The following SULF1 variants were observed in gnomAD, a reference collection of about 807,000 sequenced individuals.
The protein encoded by SULF1 is extracellular sulfatase Sulf-1.
SULF1 carries 46 observed loss-of-function variants against 110.5 expected under a neutral mutation model. The ratio of observed to expected loss-of-function variants is 0.42; its 90% CI spans 0.33 to 0.53. The LOEUF (loss-of-function observed/expected upper bound fraction) is 0.53, where lower values mean the gene tolerates loss of function less well. SULF1 is among the 20% of genes least tolerant of loss of function. SULF1 has a pLI of 0.12. For synonymous variants in SULF1, 371 were observed against 387.1 expected (o/e 0.96, Z 0.49); for missense variants, 941 against 1,094.2 (o/e 0.86, Z 1.98).
chr8:69,628,293 C>T (rs1481315473), intron 18 of SULF1, 57 bp downstream of exon 18: 9 of 1,478,284 alleles, frequency 6.1e-6, no homozygotes, highest in Non-Finnish European at 7.6e-6. Flanking sequence ...CCACCTGGCC[C>T]TTCGAAGAGG....
chr8:69,603,345 C>A, intron 11 of SULF1, 25 bp downstream of exon 11: 1 of 1,613,696 alleles, frequency 6.2e-7, no homozygotes, highest in Non-Finnish European at 8.5e-7. Flanking sequence ...CTCCTCTCAG[C>A]CAGCCCCAAA....
At chr8:69,574,393 AT>A (rs1434001101) in intron 5 of SULF1, among the ~76,000 whole-genome samples, 1 of 152,038 alleles carries the variant, frequency 6.6e-6, no homozygotes, top group African/African-American at 2.4e-5. Context: ...CAATCCCCCA[AT>A]GATATACTTC....
rs375153758 is a variant in SULF1, at chr8:69,514,965, A to G, written c.-134+12997A>G. ...TGCCTCTGTGGTTCTGCAGGGTACA[A>G]CCTCCTGGGCTGCTTTCACAGGCTA... On this transcript the variant is annotated intron_variant, in intron 3 of 22. Transcript: ENST00000402687. Among the ~76,000 whole-genome samples, 18 of 152,090 alleles carry G rather than the reference A, an allele frequency of 1.2e-4. No individual in the cohort carries two copies. The South Asian group carries it at 3.5e-3, about 30-fold the overall frequency.
chr8:69,635,984 C>A (rs1388312186), intron 19 of SULF1, among the ~76,000 whole-genome samples: 2 of 152,188 alleles, frequency 1.3e-5, no homozygotes, highest in East Asian at 3.9e-4. Context: ...CATCTGTTAA[C>A]ATGAGGATGA....
chr8:69,625,764 G>A (rs911181327), intron 15 of SULF1, among the ~76,000 whole-genome samples: 2 of 152,190 alleles, frequency 1.3e-5, no homozygotes, highest in African/African-American at 4.8e-5. Flanking sequence ...CGAAAGAACG[G>A]AGCTTCCACA....
intron 3 of SULF1, among the ~76,000 whole-genome samples, chr8:69,535,595 G>C (rs985648737): frequency 2.0e-5 from 3 of 152,126 alleles, no homozygotes; most frequent in African/African-American, 7.2e-5. Flanking sequence ...AGGATGTAAG[G>C]AGTAAAGCTC....
intron 1 of SULF1, among the ~76,000 whole-genome samples, chr8:69,482,262 C>T (rs143156669): frequency 1.4e-3 from 213 of 152,252 alleles, no homozygotes; most frequent in African/African-American, 4.9e-3. Context: ...CACTCTACTA[C>T]CATTTGTAAA....
At chr8:69,492,254 G>A (rs919731467), upstream of SULF1, among the ~76,000 whole-genome samples, 7 of 151,912 alleles carry the variant, frequency 4.6e-5, no homozygotes, top group Non-Finnish European at 1.0e-4. Flanking sequence ...AACTTTCTCA[G>A]TGGACCCAGG....
intron 22 of SULF1, among the ~76,000 whole-genome samples, chr8:69,651,914 C>G (rs1812372022): frequency 6.6e-6 from 1 of 152,056 alleles, no homozygotes; most frequent in African/African-American, 2.4e-5. Context: ...CAAATTTATT[C>G]TCTTGTGTTT....
intron 3 of SULF1, among the ~76,000 whole-genome samples, chr8:69,551,704 G>T (rs1445967902): frequency 6.6e-6 from 1 of 152,168 alleles, no homozygotes; most frequent in African/African-American, 2.4e-5. Flanking sequence ...TACTTGTCTG[G>T]GCTTCACTTT....
Position 69,564,031 on chromosome 8 carries a change from G to A in SULF1, c.56G>A (p.Gly19Glu), listed in dbSNP as rs773501788. ...VLAVLGTELLGSLCSTVRSPR... is the reference protein window; with the variant it reads ...VLAVLGTELLESLCSTVRSPR... ...GCTGTCCTGGGCACAGAATTGCTGGGAAGCCTCTGTTCGACTGTCAGATCC... is the reference window on the plus strand; with the variant it reads ...GCTGTCCTGGGCACAGAATTGCTGGAAAGCCTCTGTTCGACTGTCAGATCC... The change falls in exon 5 of 23, where the codon GGA becomes GAA. Residue 19 changes from glycine (G) to glutamate (E), a missense_variant. By Grantham distance (98) the Gly-to-Glu change is moderately conservative. This residue lies in a region of SULF1 where 822 missense variants were observed against 934.3 expected (regional missense o/e 0.88). Coordinates refer to ENST00000402687, the MANE Select transcript of SULF1 (RefSeq NM_001128205.2). The A allele has an allele frequency of 6.2e-7, 1 of 1,614,186 alleles. No individual in the cohort carries two copies. The highest frequency in any genetic ancestry group is 8.5e-7 in the Non-Finnish European group (1 of 1,180,036).
Position 69,510,625 on chromosome 8 carries a change from T to G in SULF1, c.-134+8657T>G, listed in dbSNP as rs1384561044. On this transcript the variant is annotated intron_variant, in intron 3 of 22. Coordinates refer to ENST00000402687, the MANE Select transcript of SULF1 (RefSeq NM_001128205.2). ...TTTTTGGTGGGTTTTTTTTTGTTTT[T>G]TTTTTTTTTGAGACAAAGTCTCACT... is the stretch of plus-strand genomic sequence containing the variant. Among the ~76,000 whole-genome samples the G allele has an allele frequency of 8.2e-3, 1,236 of 151,134 alleles. 23 individuals are homozygous for G. Among genetic ancestry groups the G allele is most frequent in the African/African-American group, 0.028 (1,163 of 41,278 alleles).
intron 1 of SULF1, among the ~76,000 whole-genome samples, chr8:69,471,998 T>TGAGAGAGA (rs3059922): frequency 0.025 from 3,747 of 149,238 alleles, 152 homozygotes; most frequent in African/African-American, 0.085. Context: ...GGAGAGAAAG[T>TGAGAGAGA]GAGAGAGAGA....
intron 6 of SULF1, among the ~76,000 whole-genome samples, chr8:69,576,616 TG>T (rs1805625915): frequency 2.0e-5 from 3 of 152,176 alleles, no homozygotes; most frequent in African/African-American, 7.2e-5. Flanking sequence ...TTTGATTAAT[TG>T]GTTTTTTGAA....
At chr8:69,528,478 T>C (rs1402767216) in intron 3 of SULF1, among the ~76,000 whole-genome samples, 1 of 152,230 alleles carries the variant, frequency 6.6e-6, no homozygotes, top group Non-Finnish European at 1.5e-5. Flanking sequence ...CTTAGTATTG[T>C]GCTTTGTAGT....
chr8:69,634,448 G>A (rs1810816703), intron 19 of SULF1, among the ~76,000 whole-genome samples: 1 of 152,142 alleles, frequency 6.6e-6, no homozygotes, highest in South Asian at 2.1e-4. Context: ...TTAAATAAAA[G>A]GTCAGAAAGG....
At chr8:69,532,597 G>A (rs895699761) in intron 3 of SULF1, among the ~76,000 whole-genome samples, 1 of 152,190 alleles carries the variant, frequency 6.6e-6, no homozygotes, top group African/African-American at 2.4e-5. Flanking sequence ...TAAATTCATT[G>A]TACAGCAAGA....
intron 13 of SULF1, among the ~76,000 whole-genome samples, chr8:69,619,767 C>T (rs879026244): frequency 1.3e-5 from 2 of 152,214 alleles, no homozygotes; most frequent in African/African-American, 2.4e-5. Context: ...ACTGCTCAAA[C>T]CCCTGATGAG....
intron 5 of SULF1, among the ~76,000 whole-genome samples, chr8:69,567,266 G>T (rs911000663): frequency 2.0e-5 from 3 of 152,094 alleles, no homozygotes; most frequent in Non-Finnish European, 4.4e-5. Flanking sequence ...CCGCTTGATG[G>T]AGACTTTTCC....
Sources: gnomAD v4.1 joint callset for allele counts (sites outside exome capture counted in the v4.1 genomes callset) on GRCh38, gnomAD v4.1.1 for gene constraint, gnomAD v4.1.1 regional missense constraint, MANE v1.5 for transcripts, NCBI Gene and HGNC (gene_info 2026-07-23, HGNC 2026-07-21) for gene names.